The following SNX29 variants were observed in gnomAD, a reference collection of about 807,000 sequenced individuals.
SNX29 encodes the protein sorting nexin-29.
Under a neutral mutation model 102.1 loss-of-function variants are expected in SNX29, and 78 were observed. The observed-to-expected ratio is 0.76, with a 90% CI of 0.64 to 0.92. The LOEUF (loss-of-function observed/expected upper bound fraction) is 0.92, where lower values mean the gene tolerates loss of function less well. Ranked by LOEUF, SNX29 falls within the 40% of genes least tolerant of loss-of-function variation. SNX29 has a pLI of 0.00. For synonymous variants in SNX29, 580 were observed against 414.5 expected, an observed-to-expected ratio of 1.40 and a Z score of -4.85; for missense variants, 1,280 against 1,061.7, an observed-to-expected ratio of 1.21 and a Z score of -2.86.
chr16:12,201,217 A>C (rs1300000054), intron 14 of SNX29, among the ~76,000 whole-genome samples: 2 of 152,184 alleles, frequency 1.3e-5, no homozygotes, highest in Non-Finnish European at 2.9e-5. Context: ...TGCCCTTTTC[A>C]TACAGATATT....
chr16:12,160,756 A>T (rs1476467578), intron 13 of SNX29, among the ~76,000 whole-genome samples: 1 of 152,252 alleles, frequency 6.6e-6, no homozygotes, highest in East Asian at 1.9e-4. Context: ...GTACAAAATA[A>T]AATCAAGTGT....
chr16:12,380,274 A>G (rs1353599673), intron 16 of SNX29, among the ~76,000 whole-genome samples: 5 of 149,426 alleles, frequency 3.3e-5, no homozygotes, highest in Non-Finnish European at 1.5e-5. Flanking sequence ...TTACCTGTCC[A>G]GACTGTTCTC....
chr16:12,243,115 A>G (rs1216326061), intron 14 of SNX29, among the ~76,000 whole-genome samples: 1 of 152,216 alleles, frequency 6.6e-6, no homozygotes, highest in African/African-American at 2.4e-5. Flanking sequence ...CACACAGCAG[A>G]GACACTATTT....
At chr16:12,402,489 A>G (rs1300558131) in intron 17 of SNX29, among the ~76,000 whole-genome samples, 2 of 152,240 alleles carry the variant, frequency 1.3e-5, no homozygotes, top group Non-Finnish European at 2.9e-5. Flanking sequence ...GCCCTTCCAG[A>G]ATGGTGCAGC....
chr16:12,198,869 G>A (rs1385594927), intron 13 of SNX29, among the ~76,000 whole-genome samples: 1 of 152,200 alleles, frequency 6.6e-6, no homozygotes, highest in African/African-American at 2.4e-5. Flanking sequence ...ATGCATGCTT[G>A]GTTCAAAGAG....
intron 14 of SNX29, among the ~76,000 whole-genome samples, chr16:12,239,453 C>A (rs1034666167): frequency 6.6e-6 from 1 of 151,954 alleles, no homozygotes; most frequent in East Asian, 1.9e-4. Flanking sequence ...TCTCCCAAAG[C>A]ACCTGGCTCA....
At chr16:12,208,978 G>T (rs887815968) in intron 14 of SNX29, among the ~76,000 whole-genome samples, 3 of 152,132 alleles carry the variant, frequency 2.0e-5, no homozygotes, top group Non-Finnish European at 4.4e-5. Flanking sequence ...GTTCTGCACG[G>T]GTACATTGTG....
intron 16 of SNX29, among the ~76,000 whole-genome samples, chr16:12,369,863 C>T (rs369069014): frequency 3.3e-5 from 5 of 152,154 alleles, no homozygotes; most frequent in South Asian, 2.1e-4. Flanking sequence ...TCACACCTTC[C>T]GCACAAGTTG....
At chr16:12,058,267 G>A (rs1027033008) in intron 8 of SNX29, among the ~76,000 whole-genome samples, 1 of 152,224 alleles carries the variant, frequency 6.6e-6, no homozygotes, top group Non-Finnish European at 1.5e-5. Flanking sequence ...TGGATAATGT[G>A]GCTGTTGGGT....
intron 13 of SNX29, among the ~76,000 whole-genome samples, chr16:12,152,772 A>T (rs985030529): frequency 4.6e-5 from 7 of 152,212 alleles, no homozygotes; most frequent in Non-Finnish European, 1.0e-4. Context: ...ATTATTTTTT[A>T]CATTTTCCGG....
intron 18 of SNX29, among the ~76,000 whole-genome samples, chr16:12,421,816 C>A (rs1012839902): frequency 6.6e-6 from 1 of 152,038 alleles, no homozygotes; most frequent in Non-Finnish European, 1.5e-5. Context: ...ATTAACCATC[C>A]ATCACCATCA....
chr16:12,201,733 AG>A (rs1032695267), intron 14 of SNX29, among the ~76,000 whole-genome samples: 1 of 152,250 alleles, frequency 6.6e-6, no homozygotes, highest in Admixed American at 6.5e-5. Flanking sequence ...ACCTGTGGAC[AG>A]CACCACCACC....
chr16:12,473,438 C>T (rs75535496), intron 18 of SNX29, among the ~76,000 whole-genome samples: 4,672 of 152,204 alleles, frequency 0.031, 233 homozygotes, highest in African/African-American at 0.1. Context: ...TTCAGGGGAA[C>T]GAGGCAAGGG....
chr16:12,275,844 C>A (rs988176065), intron 14 of SNX29, among the ~76,000 whole-genome samples: 1 of 149,426 alleles, frequency 6.7e-6, no homozygotes, highest in Non-Finnish European at 1.5e-5. Flanking sequence ...TGGGTACTTA[C>A]CATATTCATC....
intron 18 of SNX29, among the ~76,000 whole-genome samples, chr16:12,410,796 GTAT>G (rs1303949151): frequency 6.6e-6 from 1 of 152,180 alleles, no homozygotes; most frequent in African/African-American, 2.4e-5. Context: ...CAGGGAAAGC[GTAT>G]TATTTTTATA....
chr16:12,461,955 CAAAAA>C (rs1157975063), intron 18 of SNX29, among the ~76,000 whole-genome samples: 7 of 25,494 alleles, frequency 2.7e-4, no homozygotes, highest in East Asian at 1.8e-3. Context: ...GACTCTGTCT[CAAAAA>C]AAAAAAAAAA....
chr16:12,109,144 A>AAAG (rs543417693), intron 11 of SNX29, among the ~76,000 whole-genome samples: 23,912 of 130,474 alleles, frequency 0.18, 4,402 homozygotes, highest in East Asian at 0.44. Flanking sequence ...AAAAAAAAAA[A>AAAG]AAAAAAAAAA....
At chr16:12,565,251 G>A (rs1194572070) in intron 20 of SNX29, among the ~76,000 whole-genome samples, 3 of 152,170 alleles carry the variant, frequency 2.0e-5, no homozygotes, top group Non-Finnish European at 4.4e-5. Flanking sequence ...CTATAAAGAT[G>A]GCAGTTGCAA....
At chr16:12,531,176 C>T (rs892936220) in intron 20 of SNX29, among the ~76,000 whole-genome samples, 1 of 152,208 alleles carries the variant, frequency 6.6e-6, no homozygotes, top group Non-Finnish European at 1.5e-5. Flanking sequence ...AGCCACTCTT[C>T]CCAGGTGTGC....
Sources: gnomAD v4.1 joint callset for allele counts (sites outside exome capture counted in the v4.1 genomes callset) on GRCh38, gnomAD v4.1.1 for gene constraint, MANE v1.5 for transcripts, NCBI Gene and HGNC (gene_info 2026-07-23, HGNC 2026-07-21) for gene names.